ABCC6: variants seen among roughly 807,000 people sequenced by gnomAD.
The protein encoded by ABCC6 is ATP binding cassette subfamily C member 6, also known as ATP-binding cassette sub-family C member 6.
In ABCC6, 126 loss-of-function variants were observed where a neutral mutation model predicts 169.5. The observed-to-expected ratio is 0.74, with a 90% CI of 0.64 to 0.86. ABCC6 has a LOEUF of 0.86. ABCC6 is among the 40% of genes least tolerant of loss of function. The pLI, the probability that ABCC6 is intolerant of heterozygous loss-of-function variation, is 0.00. For missense variants in ABCC6, 1,733 were observed against 1,927.2 expected (o/e 0.90, Z 1.89); for synonymous variants, 752 against 814.7 (o/e 0.92, Z 1.31).
intron 15 of ABCC6, among the ~76,000 whole-genome samples, chr16:16,183,453 A>T (rs1362260389): frequency 6.6e-6 from 1 of 152,064 alleles, no homozygotes; most frequent in East Asian, 1.9e-4. Context: ...GACCAGAGGG[A>T]TCTGTTAAAA....
chr16:16,162,683 T>C (rs1427536150), intron 24 of ABCC6, among the ~76,000 whole-genome samples: 1 of 152,192 alleles, frequency 6.6e-6, no homozygotes, highest in African/African-American at 2.4e-5. Context: ...CTTGTGTTCT[T>C]GTTCTTGCTT....
At position 16,154,766 on chromosome 16, in the gene ABCC6, C is replaced by T. The variant is rs201275608; in HGVS notation, c.4070G>A (p.Arg1357Gln). The change falls in exon 29 of 31, where the codon CGG (arginine) becomes CAG (glutamine). Residue 1357 changes from arginine (R) to glutamine (Q), a missense_variant. Around this residue, in one of 5 missense-constraint regions of ABCC6, gnomAD observed 1,601 missense variants for 1,635.5 expected, o/e 0.98. Transcript: ENST00000205557. ...CTCCTGCAGCAGGTCGAGGTTCATC[C>T]GCAGAGAGCCAGGGAACAGGATGGG... ...QDPILFPGSL[R>Q]MNLDLLQEHS... 83 of 1,612,490 alleles carry T rather than the reference C, an allele frequency of 5.1e-5. No homozygotes were observed. The highest frequency in any genetic ancestry group is 2.9e-4 in the East Asian group (13 of 44,836).
At chr16:16,209,286 G>C (rs1184775975) in intron 6 of ABCC6, among the ~76,000 whole-genome samples, 1 of 152,162 alleles carries the variant, frequency 6.6e-6, no homozygotes, top group African/African-American at 2.4e-5. Context: ...GTTTCACCAT[G>C]TTGGCCAGAC....
chr16:16,152,208 A>AAAAAAAAAG (rs2046406416), intron 29 of ABCC6, among the ~76,000 whole-genome samples: 1 of 150,004 alleles, frequency 6.7e-6, no homozygotes, highest in African/African-American at 2.5e-5. Context: ...AAAAAAAAAA[A>AAAAAAAAAG]AAAAAAAGTG....
chr16:16,175,093 G>A (rs1490933064), intron 20 of ABCC6, among the ~76,000 whole-genome samples: 5 of 151,932 alleles, frequency 3.3e-5, no homozygotes, highest in Admixed American at 3.3e-4. Context: ...TGTGTCTACT[G>A]GTTTTCTTTT....
intron 10 of ABCC6, among the ~76,000 whole-genome samples, chr16:16,194,048 G>A (rs913906178): frequency 6.6e-6 from 1 of 152,180 alleles, no homozygotes; most frequent in Non-Finnish European, 1.5e-5. Flanking sequence ...GCACACACAC[G>A]AGTGGGACTG....
intron 8 of ABCC6, 47 bp from the exon 9 acceptor site, chr16:16,202,225 C>T: frequency 6.4e-7 from 1 of 1,569,134 alleles, no homozygotes; most frequent in Non-Finnish European, 8.6e-7. Flanking sequence ...GAGGAGGTGC[C>T]TAAGGGTGTT....
intron 14 of ABCC6, among the ~76,000 whole-genome samples, chr16:16,186,594 C>T (rs949699463): frequency 6.0e-5 from 9 of 150,494 alleles, no homozygotes; most frequent in African/African-American, 2.2e-4. Flanking sequence ...TTGCGTGTTC[C>T]TTATAAGAAT....
chr16:16,187,782 CT>C (rs2047696506), intron 13 of ABCC6, among the ~76,000 whole-genome samples: 1 of 152,086 alleles, frequency 6.6e-6, no homozygotes, highest in African/African-American at 2.4e-5. Flanking sequence ...GTAGTCCCAG[CT>C]ACTCAGGAGG....
intron 10 of ABCC6, among the ~76,000 whole-genome samples, chr16:16,197,720 G>C (rs1274430666): frequency 4.9e-5 from 7 of 142,194 alleles, no homozygotes; most frequent in African/African-American, 7.9e-5. Context: ...GCAAGAGGAG[G>C]GGGGCAGGAG....
At chr16:16,190,435 GC>G (rs2047811454) in intron 11 of ABCC6, 68 bp from the exon 12 acceptor site, 3 of 1,558,286 alleles carry the variant, frequency 1.9e-6, no homozygotes, top group Non-Finnish European at 2.6e-6. Context: ...CACCCTGACA[GC>G]CACCCTTCAG....
rs570217980 is a variant in ABCC6 at position 16,156,935 on chromosome 16, T to A, written c.3882+728A>T. Among the ~76,000 whole-genome samples the A allele has an allele frequency of 2.2e-4, 21 of 95,808 alleles. No homozygotes were observed. The East Asian group carries it at 6.9e-3, about 31-fold the overall frequency. 62.9% of individuals were successfully genotyped at this position (95,808 alleles called of 152,430 possible). A position where few individuals can be genotyped will look rare whatever the true frequency, so the allele number is the denominator to read the frequency against. On this transcript the variant is annotated intron_variant, in intron 27 of 30. Transcript: ENST00000205557. Reference sequence around the variant, plus strand: ...TCCAGCCTGGGCAACAGAGTGAGACTCTGTCTCAAAAAAAAAAAAAAAAAA... The same window carrying A: ...TCCAGCCTGGGCAACAGAGTGAGACACTGTCTCAAAAAAAAAAAAAAAAAA...
In ABCC6 at chr16:16,203,721, T is replaced by C. The variant is rs1375737916; in HGVS notation, c.795-108A>G. On this transcript the variant is annotated intron_variant, in intron 7 of 30. Coordinates refer to ENST00000205557, the MANE Select transcript of ABCC6 (RefSeq NM_001171.6). Reference sequence around the variant, plus strand: ...TTTCCCAACAGTGGAGATGGGTGGGTGTGGATCTAGCCTGGCTCCCTCACC... The same window carrying C: ...TTTCCCAACAGTGGAGATGGGTGGGCGTGGATCTAGCCTGGCTCCCTCACC... 21 of 1,224,354 alleles carry C rather than the reference T, an allele frequency of 1.7e-5. No homozygotes were observed. In the East Asian group the frequency reaches 5.1e-4, roughly 30 times the overall value. The allele number at this position is 1,224,354 out of a possible 1,614,324, so 75.8% of individuals were successfully genotyped here. A position where few individuals can be genotyped will look rare whatever the true frequency, so the allele number is the denominator to read the frequency against.
intron 21 of ABCC6, 61 bp downstream of exon 21, chr16:16,173,223 G>A: frequency 1.3e-6 from 2 of 1,577,816 alleles, no homozygotes; most frequent in South Asian, 2.2e-5. Flanking sequence ...TTGGTGGGAA[G>A]ACTTGGGCCC....
chr16:16,182,579 C>T lies in ABCC6; in HGVS notation c.2080G>A (p.Ala694Thr), dbSNP rs763209072. 2 of 1,612,324 alleles carry T rather than the reference C, an allele frequency of 1.2e-6. No individual in the cohort carries two copies. The highest frequency in any genetic ancestry group is 2.2e-5 in the South Asian group (2 of 90,984). ...ACCCAGGCCTCCTGGGGCACGTAGG[C>T]CACAGCACCCTAAAACACAACTTAC... ...EGFVSIEGAV[A>T]YVPQEAWVQN... is the part of the protein sequence containing the mutation. The change falls in exon 17 of 31, where the codon GCC becomes ACC. Residue 694 changes from alanine (A) to threonine (T), a missense_variant. This residue lies in a region of ABCC6 where 1,601 missense variants were observed against 1,635.5 expected (regional missense o/e 0.98). Transcript: ENST00000205557.
At chr16:16,157,996 T>C (rs571019342) in intron 26 of ABCC6, among the ~76,000 whole-genome samples, 187 bp from the exon 27 acceptor site, 29 of 152,198 alleles carry the variant, frequency 1.9e-4, no homozygotes, top group Non-Finnish European at 4.0e-4. Context: ...CAGATGGTGG[T>C]GGCTACTTTT....
At chr16:16,182,951 A>T (rs1567503878) in intron 15 of ABCC6, 21 bp from the exon 16 acceptor site, 3 of 1,614,040 alleles carry the variant, frequency 1.9e-6, no homozygotes, top group Non-Finnish European at 2.5e-6. Flanking sequence ...AAGAGGGGAG[A>T]CATGACCTTG....
At position 16,153,722 on chromosome 16, in the gene ABCC6, G is replaced by A. The variant is rs114731859; in HGVS notation, c.4208+906C>T. Among the ~76,000 whole-genome samples the A allele has an allele frequency of 3.9e-3, 592 of 151,864 alleles. 3 individuals carry two copies. Among genetic ancestry groups the A allele is most frequent in the African/African-American group, 0.013 (553 of 41,436 alleles). Reference sequence around the variant, plus strand: ...AGTTCGACTGTAGCCTGGGCAACATGGTGAAACCCTGTCTCTACAAAAAAT... The same window carrying A: ...AGTTCGACTGTAGCCTGGGCAACATAGTGAAACCCTGTCTCTACAAAAAAT... On this transcript the variant is annotated intron_variant, in intron 29 of 30. Transcript: ENST00000205557.
chr16:16,187,594 G>A (rs554823544), intron 13 of ABCC6, among the ~76,000 whole-genome samples: 1 of 152,342 alleles, frequency 6.6e-6, no homozygotes, highest in South Asian at 2.1e-4. Flanking sequence ...AAAGAGACCA[G>A]TCGTTAAAAT....
Sources: allele counts gnomAD v4.1 joint callset (sites outside exome capture counted in the v4.1 genomes callset), GRCh38; gene constraint gnomAD v4.1.1; regional missense constraint gnomAD v4.1.1; transcripts MANE v1.5; gene names NCBI Gene and HGNC (gene_info 2026-07-23, HGNC 2026-07-21).